Variants in SPACA9 observed in about 807,000 individuals in gnomAD.
The protein encoded by SPACA9 is sperm acrosome associated 9, also known as sperm acrosome-associated protein 9.
In SPACA9, 14 loss-of-function variants were observed where a neutral mutation model predicts 12.5. The observed-to-expected ratio is 1.12, with a 90% confidence interval of 0.74 to 1.75. The LOEUF (loss-of-function observed/expected upper bound fraction) is 1.75. SPACA9 is among the 40% of genes most tolerant of loss of function. SPACA9 has a pLI of 0.00. For synonymous variants in SPACA9, 111 were observed against 114.1 expected (o/e 0.97, Z 0.17); for missense variants, 292 against 291.9 (o/e 1.00, Z 0.00).
chr9:132,880,492 C>T (rs184122237), intron 1 of SPACA9, among the ~76,000 whole-genome samples: 4 of 152,212 alleles, frequency 2.6e-5, no homozygotes, highest in Admixed American at 2.0e-4. Flanking sequence ...AAAGCCAGGC[C>T]GAAAGGGCAC....
At position 132,889,435 on chromosome 9, in the gene SPACA9, T is replaced by C; in HGVS notation, c.*824T>C. On this transcript the variant is annotated 3_prime_UTR_variant, in exon 4 of 4. Coordinates refer to ENST00000356311, the MANE Select transcript of SPACA9 (RefSeq NM_001316897.2). ...ATTTTTTTATTTTTTGAGATGGAGTTTCACTCTGTCTCCCAGGCTGGAGTG... is the reference window on the plus strand; with the variant it reads ...ATTTTTTTATTTTTTGAGATGGAGTCTCACTCTGTCTCCCAGGCTGGAGTG... The C allele has an allele frequency of 2.0e-6, 2 of 978,664 alleles. No individual in the cohort carries two copies. Among genetic ancestry groups the C allele is most frequent in the South Asian group, 9.5e-5 (2 of 21,128 alleles). 60.6% of individuals were successfully genotyped at this position (978,664 alleles called of 1,614,324 possible). A position where few individuals can be genotyped will look rare whatever the true frequency, so the allele number is the denominator to read the frequency against.
chr9:132,885,174 T>C (rs1006891628), intron 2 of SPACA9, among the ~76,000 whole-genome samples: 1 of 151,866 alleles, frequency 6.6e-6, no homozygotes, highest in East Asian at 2.0e-4. Flanking sequence ...ACTTTTTTTT[T>C]CTAATTTTGG....
chr9:132,881,854 T>TGGCGCCTCCTTAAGTTTTGC (rs1317630324), intron 1 of SPACA9, among the ~76,000 whole-genome samples: 1 of 152,140 alleles, frequency 6.6e-6, no homozygotes, highest in Non-Finnish European at 1.5e-5. Flanking sequence ...CCGAGTTTTT[T>TGGCGCCTCCTTAAGTTTTGC]GGCGCCTCCT....
intron 1 of SPACA9, among the ~76,000 whole-genome samples, chr9:132,881,083 C>T (rs1341022319): frequency 6.6e-6 from 1 of 151,754 alleles, no homozygotes. Flanking sequence ...CTCGGCCTCC[C>T]AAAGTGCTGG....
chr9:132,883,852 G>T, intron 1 of SPACA9, 59 bp from the exon 2 acceptor site: 1 of 1,360,410 alleles, frequency 7.4e-7, no homozygotes, highest in Non-Finnish European at 1.0e-6. Context: ...CCTTCCCTCC[G>T]GAGCTGGATC....
At position 132,888,709 on chromosome 9, in the gene SPACA9, T is replaced by G; in HGVS notation, c.*98T>G. The G allele has an allele frequency of 6.9e-7, 1 of 1,450,546 alleles. No individual in the cohort carries two copies. Among genetic ancestry groups the G allele is most frequent in the Non-Finnish European group, 9.1e-7 (1 of 1,101,034 alleles). 89.9% of individuals were successfully genotyped at this position (1,450,546 alleles called of 1,614,324 possible). On this transcript the variant is annotated 3_prime_UTR_variant, in exon 4 of 4. Coordinates refer to ENST00000356311, the MANE Select transcript of SPACA9 (RefSeq NM_001316897.2). This position sits in a 1 kb window ranked among gnomAD's most constrained non-coding sequence, Gnocchi z 5.0. ...ACTGGTACCCATGGACCCTGCCACT[T>G]ACTAACCCCAAGGGAATCAGCCAAT... is the stretch of plus-strand genomic sequence containing the variant.
chr9:132,886,628 A>G (rs185148060), intron 2 of SPACA9, among the ~76,000 whole-genome samples: 12 of 152,302 alleles, frequency 7.9e-5, no homozygotes, highest in East Asian at 3.9e-4. Context: ...CACCTCTGCA[A>G]ACCTCCAGTG....
chr9:132,884,192 G>A (rs1220911188), intron 2 of SPACA9, 101 bp downstream of exon 2: 81 of 1,307,200 alleles, frequency 6.2e-5, no homozygotes, highest in Non-Finnish European at 8.4e-5. Flanking sequence ...GGACGTTTGC[G>A]CCAGAATTAG....
In SPACA9 at chr9:132,885,681, C is replaced by CG. The variant is rs753416209; in HGVS notation, c.144+1595dup. Among the ~76,000 whole-genome samples the CG allele has an allele frequency of 6.8e-4, 104 of 152,240 alleles. 2 individuals are homozygous for CG. Among genetic ancestry groups the CG allele is most frequent in the South Asian group, 1.2e-3 (6 of 4,828 alleles). On this transcript the variant is annotated intron_variant, in intron 2 of 3. Transcript: ENST00000356311. ...CTTCCTCTTCTGTAAACCTGGACTTCGGGGGAAAAAAGAAAAGAAACTGCC... is the reference window on the plus strand; with the variant it reads ...CTTCCTCTTCTGTAAACCTGGACTTCGGGGGGAAAAAAGAAAAGAAACTGCC...
intron 1 of SPACA9, among the ~76,000 whole-genome samples, chr9:132,879,939 C>T (rs1339896879): frequency 1.3e-5 from 2 of 152,222 alleles, no homozygotes; most frequent in African/African-American, 2.4e-5. Flanking sequence ...GCCCTCCCAA[C>T]GTAAAAGCCA....
Position 132,889,403 on chromosome 9 carries a change from C to A in SPACA9, c.*792C>A. The stretch of plus-strand genomic sequence containing the variant: ...GTGGGGGTCGGCATGTGGAACTCAG[C>A]GTGTTTATTTTTTTATTTTTTGAGA... On this transcript the variant is annotated 3_prime_UTR_variant, in exon 4 of 4. Transcript: ENST00000356311. 2.0e-6 allele frequency: 2 copies of A among 985,306 alleles called. No homozygotes were observed. The highest frequency in any genetic ancestry group is 2.4e-6 in the Non-Finnish European group (2 of 829,866). 61.0% of individuals were successfully genotyped at this position (985,306 alleles called of 1,614,324 possible). A position where few individuals can be genotyped will look rare whatever the true frequency, so the allele number is the denominator to read the frequency against.
rs914413469 is a variant in SPACA9, at chr9:132,887,201, C to T, written c.145-168C>T. On this transcript the variant is annotated intron_variant, in intron 2 of 3. Coordinates refer to ENST00000356311, the MANE Select transcript of SPACA9 (RefSeq NM_001316897.2). The surrounding 1 kb of genome is among the most constrained non-coding windows in gnomAD (Gnocchi z 5.4). Reference sequence around the variant, plus strand: ...TCCATCTATAGAGAGAGAGATACCACTATATAGAGTGGTCTGTACCTTAAA... The same window carrying T: ...TCCATCTATAGAGAGAGAGATACCATTATATAGAGTGGTCTGTACCTTAAA... 2.0e-5 allele frequency among the ~76,000 whole-genome samples: 3 copies of T among 151,766 alleles called. No individual in the cohort carries two copies. The highest frequency in any genetic ancestry group is 4.4e-5 in the Non-Finnish European group (3 of 67,978).
intron 1 of SPACA9, among the ~76,000 whole-genome samples, chr9:132,879,756 T>A (rs763643690): frequency 6.6e-6 from 1 of 152,228 alleles, no homozygotes; most frequent in Non-Finnish European, 1.5e-5. Flanking sequence ...AGAAGGCCTC[T>A]TGAAGAAGAG....
At position 132,887,539 on chromosome 9, in the gene SPACA9, C is replaced by G. The variant is rs1276333967; in HGVS notation, c.315C>G (p.Ser105Arg). 6.2e-7 allele frequency: 1 copy of G among 1,614,108 alleles called. No individual in the cohort carries two copies. Among genetic ancestry groups the G allele is most frequent in the Admixed American group, 1.7e-5 (1 of 60,020 alleles). ...NLLEKCKTLV[S>R]QSNDLSSLRA... ...TGGAGAAATGCAAAACCCTCGTTAG[C>G]CAAAGCAACGACTTAAGCAGCCTCA... The change falls in exon 3 of 4, where the codon AGC (serine) becomes AGG (arginine). Residue 105 changes from serine to arginine, a missense_variant. Transcript: ENST00000356311. This position sits in a 1 kb window ranked among gnomAD's most constrained non-coding sequence, Gnocchi z 5.4.
At chr9:132,884,433 A>C (rs1048682199) in intron 2 of SPACA9, among the ~76,000 whole-genome samples, 2 of 152,122 alleles carry the variant, frequency 1.3e-5, no homozygotes, top group Non-Finnish European at 2.9e-5. Context: ...CCCATAGAAA[A>C]CCAGGGATTT....
chr9:132,888,316 T>C lies in SPACA9; in HGVS notation c.374T>C (p.Leu125Pro). 1 of 1,613,406 alleles carries C rather than the reference T, an allele frequency of 6.2e-7. No individual in the cohort carries two copies. The highest frequency in any genetic ancestry group is 8.5e-7 in the Non-Finnish European group (1 of 1,179,686). ...AKYPHDVVNH[L>P]SCDEARNHYG... ...TACCCTCATGATGTGGTGAACCACC[T>C]CAGCTGTGACGAGGCCCGGAACCAC... The change falls in exon 4 of 4, where the codon CTC becomes CCC. Residue 125 changes from leucine to proline, a missense_variant. By Grantham distance (98) the Leu-to-Pro change is moderately conservative. Coordinates refer to ENST00000356311, the MANE Select transcript of SPACA9 (RefSeq NM_001316897.2). This position sits in a 1 kb window ranked among gnomAD's most constrained non-coding sequence, Gnocchi z 5.0.
Position 132,889,944 on chromosome 9 carries a change from T to A in SPACA9, c.*1333T>A. On this transcript the variant is annotated 3_prime_UTR_variant, in exon 4 of 4. Transcript: ENST00000356311. ...CCAAAGTAATGTCTGACTGTTGGTT[T>A]TTCCCTTCACAGGGGACGACTTAGC... 1 of 1,499,960 alleles carries A rather than the reference T, an allele frequency of 6.7e-7. No homozygotes were observed. Among genetic ancestry groups the A allele is most frequent in the Admixed American group, 2.0e-5 (1 of 49,418 alleles). The allele number at this position is 1,499,960 out of a possible 1,614,324, so 92.9% of individuals were successfully genotyped here. A position where few individuals can be genotyped will look rare whatever the true frequency, so the allele number is the denominator to read the frequency against.
intron 1 of SPACA9, among the ~76,000 whole-genome samples, chr9:132,882,846 C>T (rs1449512668): frequency 1.3e-5 from 2 of 152,096 alleles, no homozygotes; most frequent in Non-Finnish European, 2.9e-5. Flanking sequence ...GCAGCACTGA[C>T]GATGCTGGTT....
chr9:132,889,762 TAA>T lies in SPACA9; in HGVS notation c.*1153_*1154del. The T allele has an allele frequency of 7.8e-7, 1 of 1,284,050 alleles. No individual in the cohort carries two copies. The highest frequency in any genetic ancestry group is 1.0e-6 in the Non-Finnish European group (1 of 1,002,480). 79.5% of individuals were successfully genotyped at this position (1,284,050 alleles called of 1,614,324 possible). ...TCTCTGGACCACAGCCAAAGGGGAA[TAA>T]ACTCACCTTTCCTTCGCCTTTACTT... On this transcript the variant is annotated 3_prime_UTR_variant, in exon 4 of 4. Transcript: ENST00000356311.
Sources: allele counts gnomAD v4.1 joint callset (sites outside exome capture counted in the v4.1 genomes callset), GRCh38; gene constraint gnomAD v4.1.1; non-coding constraint Gnocchi (gnomAD v3.1); transcripts MANE v1.5; gene names NCBI Gene and HGNC (gene_info 2026-07-23, HGNC 2026-07-21).